Variants in AIG1 observed in about 807,000 individuals in gnomAD.
AIG1 encodes androgen induced 1, also known as androgen-induced gene 1 protein.
A neutral mutation model predicts 31.4 loss-of-function variants in AIG1; 23 were observed. The observed-to-expected ratio is 0.73, with a 90% CI of 0.53 to 1.04. The LOEUF (loss-of-function observed/expected upper bound fraction) is 1.04. Among genes scored for constraint, AIG1 ranks in the 50% least tolerant of loss-of-function variants. AIG1 has a pLI of 0.00. For missense variants in AIG1, 274 were observed against 295.0 expected (o/e 0.93, Z 0.52); for synonymous variants, 100 against 110.5 (o/e 0.90, Z 0.60).
rs77919378 is a variant in AIG1 at position 143,334,845 on chromosome 6, G to A, written c.679+1400G>A. Reference sequence around the variant, plus strand: ...TTGATTTGACAGTCATTTGGCCACAGTTCTACTACTTCTATGAGAGGATGA... The same window carrying A: ...TTGATTTGACAGTCATTTGGCCACAATTCTACTACTTCTATGAGAGGATGA... On this transcript the variant is annotated intron_variant, in intron 5 of 5. Coordinates refer to ENST00000357847, the MANE Select transcript of AIG1 (RefSeq NM_016108.4). The surrounding 1 kb of genome is among the most constrained non-coding windows in gnomAD (Gnocchi z 5.1). 6.6e-6 allele frequency among the ~76,000 whole-genome samples: 1 copy of A among 152,160 alleles called. No homozygotes were observed. Among genetic ancestry groups the A allele is most frequent in the Non-Finnish European group, 1.5e-5 (1 of 68,032 alleles).
intron 1 of AIG1, among the ~76,000 whole-genome samples, chr6:143,066,889 G>T (rs937849646): frequency 1.3e-5 from 2 of 152,124 alleles, no homozygotes; most frequent in Admixed American, 6.6e-5. Context: ...GAACATTAAG[G>T]GTGGGTATGG....
At chr6:143,208,148 A>G (rs1791272369) in intron 3 of AIG1, among the ~76,000 whole-genome samples, 1 of 152,180 alleles carries the variant, frequency 6.6e-6, no homozygotes. Flanking sequence ...TGGTGTTACT[A>G]ATTTTCTCTG....
At chr6:143,289,319 G>A (rs374454254) in intron 4 of AIG1, among the ~76,000 whole-genome samples, 1 of 152,072 alleles carries the variant, frequency 6.6e-6, no homozygotes. Flanking sequence ...GTTGAAATGT[G>A]GAATCTTATT....
chr6:143,111,318 A>G (rs1195824491), intron 1 of AIG1, among the ~76,000 whole-genome samples: 1 of 152,212 alleles, frequency 6.6e-6, no homozygotes, highest in Non-Finnish European at 1.5e-5. Context: ...TAATTGCCAG[A>G]TTCAGTAAAG....
At chr6:143,262,936 T>G (rs1795901515) in intron 3 of AIG1, among the ~76,000 whole-genome samples, 1 of 152,156 alleles carries the variant, frequency 6.6e-6, no homozygotes, top group Non-Finnish European at 1.5e-5. Flanking sequence ...CAAATAAATC[T>G]GCATAGCCAT....
intron 3 of AIG1, among the ~76,000 whole-genome samples, chr6:143,178,775 A>G (rs978873278): frequency 1.3e-5 from 2 of 152,086 alleles, no homozygotes; most frequent in African/African-American, 4.8e-5. Flanking sequence ...ACTTTTCACT[A>G]TTTCTGCAAA....
chr6:143,342,010 C>G (rs1005893674), downstream of AIG1, among the ~76,000 whole-genome samples: 3 of 152,224 alleles, frequency 2.0e-5, no homozygotes, highest in African/African-American at 7.2e-5. Context: ...CCTGCAATCT[C>G]CGCCTCCCTG....
At chr6:143,226,321 A>C (rs972363542) in intron 3 of AIG1, among the ~76,000 whole-genome samples, 2 of 151,724 alleles carry the variant, frequency 1.3e-5, no homozygotes, top group African/African-American at 2.4e-5. Context: ...GCTCACTGCA[A>C]CTTCTGCCTC....
At chr6:143,062,632 A>G (rs1251988236) in intron 1 of AIG1, among the ~76,000 whole-genome samples, 1 of 152,186 alleles carries the variant, frequency 6.6e-6, no homozygotes, top group Non-Finnish European at 1.5e-5. Context: ...CATTTTCTGT[A>G]TACTGAATGA....
chr6:143,206,694 C>A (rs1197358132), intron 3 of AIG1, among the ~76,000 whole-genome samples: 1 of 152,080 alleles, frequency 6.6e-6, no homozygotes, highest in African/African-American at 2.4e-5. Flanking sequence ...AACAAAAAAG[C>A]ATAGAGGTCT....
At chr6:143,087,087 A>C (rs1354939236) in intron 1 of AIG1, among the ~76,000 whole-genome samples, 3 of 152,206 alleles carry the variant, frequency 2.0e-5, no homozygotes. Context: ...ATTGTTTTTA[A>C]CTGGCCAACA....
chr6:143,062,875 G>C (rs1412801948), intron 1 of AIG1, among the ~76,000 whole-genome samples: 2 of 152,170 alleles, frequency 1.3e-5, no homozygotes, highest in Admixed American at 6.5e-5. Context: ...ATCTTACTTA[G>C]AGCTGGCCTA....
Position 143,338,035 on chromosome 6 carries a change from C to G in AIG1, c.680-1604C>G, listed in dbSNP as rs1015644764. On this transcript the variant is annotated intron_variant, in intron 5 of 5. Coordinates refer to ENST00000357847, the MANE Select transcript of AIG1 (RefSeq NM_016108.4). This position sits in a 1 kb window ranked among gnomAD's most constrained non-coding sequence, Gnocchi z 4.3. ...CCCTCTCTAGGTCAATGAATACCCC[C>G]CGTTCTCCACCCGCGCTTTTGAAGA... 1 of 398,648 alleles carries G rather than the reference C, an allele frequency of 2.5e-6. No homozygotes were observed. Among genetic ancestry groups the G allele is most frequent in the Non-Finnish European group, 4.4e-6 (1 of 226,094 alleles). 24.7% of individuals were successfully genotyped at this position (398,648 alleles called of 1,614,324 possible). A position where few individuals can be genotyped will look rare whatever the true frequency, so the allele number is the denominator to read the frequency against.
chr6:143,321,768 A>T lies in AIG1; in HGVS notation c.516-11514A>T, dbSNP rs537290314. Among the ~76,000 whole-genome samples, 24 of 152,216 alleles carry T rather than the reference A, an allele frequency of 1.6e-4. 1 individual carries two copies. Among genetic ancestry groups the T allele is most frequent in the African/African-American group, 5.8e-4 (24 of 41,548 alleles). ...GAACTTTTGATGGTTTCATTCTGAT[A>T]AACATTAAAAAGGAACACTACAACA... On this transcript the variant is annotated intron_variant, in intron 4 of 5. Coordinates refer to ENST00000357847, the MANE Select transcript of AIG1 (RefSeq NM_016108.4).
intron 1 of AIG1, among the ~76,000 whole-genome samples, chr6:143,090,490 G>A (rs772999114): frequency 2.0e-5 from 3 of 152,120 alleles, no homozygotes; most frequent in Non-Finnish European, 4.4e-5. Context: ...TCCAATATAG[G>A]CATACCTTGG....
chr6:143,219,352 C>A (rs1792281181), intron 3 of AIG1, among the ~76,000 whole-genome samples: 1 of 152,088 alleles, frequency 6.6e-6, no homozygotes, highest in South Asian at 2.1e-4. Flanking sequence ...TGCCTGTGGT[C>A]CCAGCTACTT....
intron 3 of AIG1, among the ~76,000 whole-genome samples, chr6:143,167,418 T>C (rs1266852305): frequency 6.6e-6 from 1 of 152,200 alleles, no homozygotes; most frequent in Non-Finnish European, 1.5e-5. Flanking sequence ...GTTACCTTGT[T>C]CTGACATTAC....
intron 2 of AIG1, among the ~76,000 whole-genome samples, chr6:143,142,897 T>G (rs1784363322): frequency 6.6e-6 from 1 of 152,204 alleles, no homozygotes; most frequent in Admixed American, 6.5e-5. Flanking sequence ...ATATTGCTAT[T>G]GTTTTAAACA....
At chr6:143,285,817 A>G (rs1207768396) in intron 4 of AIG1, among the ~76,000 whole-genome samples, 1 of 152,192 alleles carries the variant, frequency 6.6e-6, no homozygotes, top group African/African-American at 2.4e-5. Flanking sequence ...AAATGATCAG[A>G]ACTCACACCT....
Sources: gnomAD v4.1 joint callset for allele counts (sites outside exome capture counted in the v4.1 genomes callset) on GRCh38, gnomAD v4.1.1 for gene constraint, Gnocchi (gnomAD v3.1) non-coding constraint, MANE v1.5 for transcripts, NCBI Gene and HGNC (gene_info 2026-07-23, HGNC 2026-07-21) for gene names.